Variants in PHKA1 observed in about 807,000 individuals in gnomAD.
PHKA1 encodes phosphorylase b kinase regulatory subunit alpha, skeletal muscle isoform.
PHKA1 carries 60 observed loss-of-function variants against 110.2 expected under a neutral mutation model. The observed-to-expected ratio is 0.54, with a 90% CI of 0.44 to 0.68. PHKA1 has a LOEUF of 0.68. PHKA1 is among the 30% of genes least tolerant of loss of function. PHKA1 has a pLI of 0.00. For missense variants in PHKA1, 801 were observed against 942.5 expected (o/e 0.85, Z 1.97); for synonymous variants, 316 against 333.6 (o/e 0.95, Z 0.58).
At chrX:72,628,341 T>C (rs1390708754) in intron 16 of PHKA1, among the ~76,000 whole-genome samples, 2 of 110,155 alleles carry the variant, frequency 1.8e-5, no homozygotes, top group Non-Finnish European at 3.8e-5. Flanking sequence ...CAATTGACTT[T>C]CAAGAGTTTT....
chrX:72,670,940 A>T (rs1329656814), intron 6 of PHKA1, among the ~76,000 whole-genome samples: 9 of 111,851 alleles, frequency 8.0e-5, no homozygotes, highest in African/African-American at 2.9e-4. Context: ...GTATCTCAAA[A>T]TAATAAGAGC....
intron 21 of PHKA1, among the ~76,000 whole-genome samples, chrX:72,614,627 G>T (rs782068670): frequency 9.0e-6 from 1 of 111,551 alleles, no homozygotes; most frequent in South Asian, 3.8e-4. Flanking sequence ...CTGTGCTTTG[G>T]GTATGATAAA....
At chrX:72,598,787 TATA>T (rs1272910626) in intron 28 of PHKA1, among the ~76,000 whole-genome samples, 4 of 111,849 alleles carry the variant, frequency 3.6e-5, no homozygotes, top group Non-Finnish European at 5.7e-5. Context: ...CAGAAATAAA[TATA>T]AGATAGAAGA....
At chrX:72,656,036 A>G (rs2053493166) in intron 10 of PHKA1, 84 bp downstream of exon 10, 1 of 1,077,947 alleles carries the variant, frequency 9.3e-7, no homozygotes, top group Non-Finnish European at 1.3e-6. Flanking sequence ...AAGACTTCCA[A>G]CTGGACACAG....
chrX:72,601,523 A>C (rs782442022), intron 28 of PHKA1, among the ~76,000 whole-genome samples: 1 of 111,083 alleles, frequency 9.0e-6, no homozygotes, highest in South Asian at 3.9e-4. Flanking sequence ...GGGTGGTAGA[A>C]GATGAGGAGC....
In PHKA1 at chrX:72,619,314, A is replaced by G. The variant is rs1556274164; in HGVS notation, c.2138-9T>C. The G allele has an allele frequency of 9.2e-7, 1 of 1,085,665 alleles. No individual in the cohort carries two copies. Among genetic ancestry groups the G allele is most frequent in the South Asian group, 1.9e-5 (1 of 53,064 alleles). 89.5% of individuals were successfully genotyped at this position (1,085,665 alleles called of 1,213,427 possible). ...AAGATACATGTGAACATCTGCAAAA[A>G]TATGACATTTATGGGAAATATTAGG... On this transcript the variant is annotated splice_polypyrimidine_tract_variant and intron_variant, in intron 19 of 31. Transcript: ENST00000373542.
intron 13 of PHKA1, among the ~76,000 whole-genome samples, chrX:72,647,088 C>T (rs976867794): frequency 3.7e-5 from 4 of 107,884 alleles, no homozygotes; most frequent in South Asian, 4.2e-4. Context: ...GCTGAGATTG[C>T]GCCACTGCAC....
chrX:72,633,551 A>G (rs1209808569), intron 16 of PHKA1, among the ~76,000 whole-genome samples: 1 of 111,721 alleles, frequency 9.0e-6, no homozygotes, highest in Non-Finnish European at 1.9e-5. Context: ...TTCATACCTT[A>G]TATCTAGTTA....
chrX:72,616,246 T>C (rs2052895664), intron 21 of PHKA1, among the ~76,000 whole-genome samples: 2 of 111,601 alleles, frequency 1.8e-5, no homozygotes, highest in African/African-American at 6.5e-5. Flanking sequence ...CATGCACCTG[T>C]GGTCCCAGCT....
intron 13 of PHKA1, among the ~76,000 whole-genome samples, chrX:72,648,024 C>A (rs1294318958): frequency 9.0e-6 from 1 of 111,623 alleles, no homozygotes; most frequent in Non-Finnish European, 1.9e-5. Flanking sequence ...TAAGCAAGAT[C>A]ATTTTCATAG....
chrX:72,656,399 A>G (rs781908563), intron 9 of PHKA1, among the ~76,000 whole-genome samples, 157 bp from the exon 10 acceptor site: 3 of 112,605 alleles, frequency 2.7e-5, no homozygotes, highest in African/African-American at 9.7e-5. Flanking sequence ...CAAGTACTCT[A>G]TGATGCGACT....
intron 16 of PHKA1, among the ~76,000 whole-genome samples, chrX:72,634,674 T>C (rs1302034601): frequency 9.0e-6 from 1 of 111,348 alleles, no homozygotes; most frequent in Non-Finnish European, 1.9e-5. Context: ...TGGGAAATTA[T>C]CTATAAAATC....
At chrX:72,682,066 G>T (rs1556315960) in intron 5 of PHKA1, among the ~76,000 whole-genome samples, 1 of 94,155 alleles carries the variant, frequency 1.1e-5, no homozygotes, top group East Asian at 5.1e-4. Context: ...CGCCCCGTCC[G>T]GGAGGGAGGT....
In PHKA1 at chrX:72,597,506, A is replaced by C. The variant is rs187302166; in HGVS notation, c.3073-4232T>G. ...TGTCTGTTTTCCCTAGACTTTGACC[A>C]ATGACTCTTTTAAATTTTTTTTAAC... On this transcript the variant is annotated intron_variant, in intron 28 of 31. Coordinates refer to ENST00000373542, the MANE Select transcript of PHKA1 (RefSeq NM_002637.4). Among the ~76,000 whole-genome samples, 9 of 111,399 alleles carry C rather than the reference A, an allele frequency of 8.1e-5. No homozygotes were observed. In the East Asian group the frequency reaches 2.5e-3, roughly 31 times the overall value.
intron 21 of PHKA1, among the ~76,000 whole-genome samples, chrX:72,611,405 A>G (rs782435221): frequency 8.9e-6 from 1 of 112,021 alleles, no homozygotes; most frequent in South Asian, 3.8e-4. Context: ...GCTTTTGACA[A>G]AATGCATTCT....
chrX:72,667,546 T>A, intron 6 of PHKA1, 73 bp from the exon 7 acceptor site: 1 of 742,608 alleles, frequency 1.3e-6, no homozygotes, highest in East Asian at 3.3e-5. Context: ...TATATCCCAG[T>A]ATCTTATCAA....
intron 4 of PHKA1, among the ~76,000 whole-genome samples, chrX:72,693,863 G>C (rs1229038604): frequency 1.8e-5 from 2 of 111,458 alleles, no homozygotes; most frequent in Non-Finnish European, 3.8e-5. Flanking sequence ...TGGGGTGGAG[G>C]GGGGAGTAGA....
rs1267362947 is a variant in PHKA1 at position 72,666,245 on chromosome X, G to C, written c.770C>G (p.Ala257Gly). 3 of 1,206,923 alleles carry C rather than the reference G, an allele frequency of 2.5e-6. No homozygotes were observed. The African/African-American group carries it at 5.3e-5, about 21-fold the overall frequency. The change falls in exon 8 of 32, where the codon GCT (alanine) becomes GGT (glycine). Residue 257 changes from alanine (A) to glycine (G), a missense_variant. Ala to Gly is a moderately conservative substitution (Grantham distance 60, BLOSUM62 0). This residue lies in a region of PHKA1 where 299 missense variants were observed against 423.3 expected (regional missense o/e 0.71). Transcript: ENST00000373542. ...GAAGGAAACCACTGAGAGTAGACTA[G>C]CATCAACCTCTTTTGATGTTGAAGC... ...PRASTSKEVD[A>G]SLLSVVSFPA...
At position 72,681,511 on chromosome X, in the gene PHKA1, C is replaced by T. The variant is rs1331180284; in HGVS notation, c.537+2987G>A. The stretch of plus-strand genomic sequence containing the variant: ...GAGGGAGGTGGGGGGGTCAGCCCCC[C>T]GCCTGGCCAGCCGTGCCATCCGGGA... On this transcript the variant is annotated intron_variant, in intron 5 of 31. Transcript: ENST00000373542. Among the ~76,000 whole-genome samples, 49 of 92,508 alleles carry T rather than the reference C, an allele frequency of 5.3e-4. 1 individual carries two copies. Among genetic ancestry groups the T allele is most frequent in the African/African-American group, 1.7e-3 (46 of 27,073 alleles). 80.3% of individuals were successfully genotyped at this position (92,508 alleles called of 115,157 possible).
Sources: allele counts gnomAD v4.1 joint callset (sites outside exome capture counted in the v4.1 genomes callset), GRCh38; gene constraint gnomAD v4.1.1; regional missense constraint gnomAD v4.1.1; transcripts MANE v1.5; gene names NCBI Gene and HGNC (gene_info 2026-07-23, HGNC 2026-07-21).